The following ABHD16A variants were observed in gnomAD, a reference collection of about 807,000 sequenced individuals.
The protein encoded by ABHD16A is abhydrolase domain containing 16A, phospholipase.
A neutral mutation model predicts 89.8 loss-of-function variants in ABHD16A; 47 were observed. That is an observed-to-expected ratio of 0.52 (90% confidence interval 0.41 to 0.67). ABHD16A has a LOEUF of 0.67. Ranked by LOEUF, ABHD16A falls within the 30% of genes least tolerant of loss-of-function variation. The pLI is 0.00. For missense variants in ABHD16A, 580 were observed against 734.6 expected (o/e 0.79, Z 2.43); for synonymous variants, 251 against 280.4 (o/e 0.90, Z 1.05).
At chr6:31,699,349 C>T (rs1305418846) in intron 4 of ABHD16A, among the ~76,000 whole-genome samples, 1 of 137,962 alleles carries the variant, frequency 7.2e-6, no homozygotes, top group African/African-American at 2.8e-5. Context: ...GCGGAGCTTG[C>T]AGTGAGCCGA....
Position 31,687,135 on chromosome 6 carries a change from C to T in ABHD16A, c.*77G>A, listed in dbSNP as rs1420753785. On this transcript the variant is annotated 3_prime_UTR_variant, in exon 20 of 20. Transcript: ENST00000395952. The surrounding 1 kb of genome is among the most constrained non-coding windows in gnomAD (Gnocchi z 6.3). The stretch of plus-strand genomic sequence containing the variant: ...CAAACTATAAACAGCAACATGAACA[C>T]AGAGAATCACAAATAAGAGGGTCTT... 1 of 1,369,440 alleles carries T rather than the reference C, an allele frequency of 7.3e-7. No individual in the cohort carries two copies. Among genetic ancestry groups the T allele is most frequent in the East Asian group, 2.4e-5 (1 of 41,566 alleles). 84.8% of individuals were successfully genotyped at this position (1,369,440 alleles called of 1,614,324 possible).
intron 1 of ABHD16A, chr6:31,702,884 C>T (rs1053467678): frequency 2.3e-6 from 3 of 1,332,554 alleles, no homozygotes; most frequent in Non-Finnish European, 2.9e-6. Flanking sequence ...GCACGAACCA[C>T]GACACACAGG....
intron 8 of ABHD16A, 51 bp downstream of exon 8, chr6:31,691,753 T>TGGGGTGGGGGGGGG: frequency 2.8e-6 from 1 of 357,842 alleles, no homozygotes; most frequent in Non-Finnish European, 4.0e-6. Flanking sequence ...GCGGGGTGGG[T>TGGGGTGGGGGGGGG]GGGGGTGAGA....
At chr6:31,702,854 T>C in intron 1 of ABHD16A, 1 of 1,368,038 alleles carries the variant, frequency 7.3e-7, no homozygotes, top group Non-Finnish European at 9.5e-7. Flanking sequence ...TTCCCGGGAC[T>C]CAAGACTCAA....
At chr6:31,691,214 T>C (rs1021489480) in intron 9 of ABHD16A, among the ~76,000 whole-genome samples, 1 of 152,076 alleles carries the variant, frequency 6.6e-6, no homozygotes, top group Non-Finnish European at 1.5e-5. Context: ...CAGGAAAGGT[T>C]TTCTGTGCCC....
chr6:31,689,784 T>C (rs951359390), intron 11 of ABHD16A, 80 bp from the exon 12 acceptor site: 5 of 1,532,530 alleles, frequency 3.3e-6, no homozygotes, highest in Non-Finnish European at 4.4e-6. Context: ...GGACCCCTCC[T>C]GCAGCCACCT....
chr6:31,702,353 A>C (rs1805096277), intron 1 of ABHD16A, among the ~76,000 whole-genome samples: 1 of 152,178 alleles, frequency 6.6e-6, no homozygotes, highest in Non-Finnish European at 1.5e-5. Flanking sequence ...TTGGAAGCAA[A>C]AGTGAAAGCA....
chr6:31,699,116 C>G (rs9267541), intron 4 of ABHD16A, among the ~76,000 whole-genome samples: 15,107 of 152,106 alleles, frequency 0.099, 899 homozygotes, highest in African/African-American at 0.15. Flanking sequence ...TTTGAGAAAA[C>G]CATGCCCTTG....
At chr6:31,702,337 C>G (rs1488055527) in intron 1 of ABHD16A, among the ~76,000 whole-genome samples, 1 of 152,140 alleles carries the variant, frequency 6.6e-6, no homozygotes, top group African/African-American at 2.4e-5. Context: ...ACACAGGGAG[C>G]TGGATTTGGA....
At chr6:31,692,475 C>T (rs746475171) in intron 7 of ABHD16A, among the ~76,000 whole-genome samples, 3 of 152,140 alleles carry the variant, frequency 2.0e-5, no homozygotes, top group African/African-American at 4.8e-5. Flanking sequence ...TGGTTATTTC[C>T]GTTCCTTCTG....
Position 31,692,735 on chromosome 6 carries a change from T to G in ABHD16A, c.626+292A>C, listed in dbSNP as rs183338172. ...AGAGCCTGCCCTAGCTACAAGTGTG[T>G]GTCCTCCCCACCCCCACCCCACCCC... is the stretch of plus-strand genomic sequence containing the variant. On this transcript the variant is annotated intron_variant, in intron 7 of 19. Transcript: ENST00000395952. 1,888 of 382,572 alleles carry G rather than the reference T, an allele frequency of 4.9e-3. 86 individuals are homozygous for G. The highest frequency in any genetic ancestry group is 0.033 in the South Asian group (1,258 of 37,590). 23.7% of individuals were successfully genotyped at this position (382,572 alleles called of 1,614,324 possible).
intron 9 of ABHD16A, 74 bp downstream of exon 9, chr6:31,691,505 T>C (rs1803872404): frequency 5.1e-6 from 7 of 1,379,154 alleles, no homozygotes; most frequent in African/African-American, 2.8e-5. Context: ...GGAGGTGCTA[T>C]AGCATTGGGG....
intron 7 of ABHD16A, chr6:31,692,147 C>T (rs758440015): frequency 2.4e-5 from 12 of 492,194 alleles, no homozygotes; most frequent in Non-Finnish European, 4.3e-5. Context: ...TGGCTCAGTG[C>T]ACACATATCC....
chr6:31,701,418 T>C, intron 2 of ABHD16A, 78 bp from the exon 3 acceptor site: 1 of 1,270,280 alleles, frequency 7.9e-7, no homozygotes, highest in East Asian at 2.3e-5. Flanking sequence ...TACTATACAC[T>C]CTGAGCAAGA....
At chr6:31,695,313 A>C (rs911654369) in intron 5 of ABHD16A, among the ~76,000 whole-genome samples, 3 of 152,230 alleles carry the variant, frequency 2.0e-5, no homozygotes, top group African/African-American at 7.2e-5. Flanking sequence ...ATAGGAGTGG[A>C]CACACCTGTC....
intron 4 of ABHD16A, among the ~76,000 whole-genome samples, chr6:31,699,351 G>T (rs1022603960): frequency 6.8e-6 from 1 of 146,310 alleles, no homozygotes; most frequent in Non-Finnish European, 1.5e-5. Flanking sequence ...GGAGCTTGCA[G>T]TGAGCCGAGA....
rs776922924 is a variant in ABHD16A at position 31,702,051 on chromosome 6, C to G, written c.189+23G>C. The G allele has an allele frequency of 8.1e-6, 13 of 1,612,850 alleles. No individual in the cohort carries two copies. The East Asian group carries it at 2.7e-4, about 33-fold the overall frequency. On this transcript the variant is annotated intron_variant, in intron 2 of 19. Coordinates refer to ENST00000395952, the MANE Select transcript of ABHD16A (RefSeq NM_021160.3). ...CAGGTGGGTCTGAAAGATGCAGAGT[C>G]CCAGATGCCAGGGTAGACATACCAG...
chr6:31,697,154 G>A, intron 4 of ABHD16A, 121 bp from the exon 5 acceptor site: 1 of 861,180 alleles, frequency 1.2e-6, no homozygotes, highest in Non-Finnish European at 1.9e-6. Context: ...AAAGAAAAAG[G>A]AACTGAGGGC....
Position 31,688,750 on chromosome 6 carries a change from T to C in ABHD16A, c.1223A>G (p.Asn408Ser), listed in dbSNP as rs745559290. ...GCACAGCTGCTCCGCGTTGTTTAGA[T>C]TGAGATGCTGCCTCACGGTCCTGGT... is the stretch of plus-strand genomic sequence containing the variant. The part of the protein sequence containing the change: ...LVTRTVRQHL[N>S]LNNAEQLCRY... The change falls in exon 14 of 20, where the codon AAT becomes AGT. Residue 408 changes from asparagine (N) to serine (S), a missense_variant. By Grantham distance (46) the Asn-to-Ser change is conservative (BLOSUM62 1). Coordinates refer to ENST00000395952, the MANE Select transcript of ABHD16A (RefSeq NM_021160.3). This position sits in a 1 kb window ranked among gnomAD's most constrained non-coding sequence, Gnocchi z 4.9. The C allele has an allele frequency of 6.2e-7, 1 of 1,613,014 alleles. No homozygotes were observed. Among genetic ancestry groups the C allele is most frequent in the Non-Finnish European group, 8.5e-7 (1 of 1,180,008 alleles).
Sources: gnomAD v4.1 joint callset for allele counts (sites outside exome capture counted in the v4.1 genomes callset) on GRCh38, gnomAD v4.1.1 for gene constraint, Gnocchi (gnomAD v3.1) non-coding constraint, MANE v1.5 for transcripts, NCBI Gene and HGNC (gene_info 2026-07-23, HGNC 2026-07-21) for gene names.